The following PEBP4 variants were observed in gnomAD, a reference collection of about 807,000 sequenced individuals.
PEBP4 encodes phosphatidylethanolamine binding protein 4.
Under a neutral mutation model 23.9 loss-of-function variants are expected in PEBP4, and 22 were observed. The observed-to-expected ratio is 0.92, with a 90% CI of 0.66 to 1.31. PEBP4 has a LOEUF of 1.31. Ranked by LOEUF, PEBP4 falls within the 40% of genes most tolerant of loss-of-function variation. The probability of loss-of-function intolerance (pLI) is 0.00; values close to 1 mark genes in which losing one functional copy is unlikely to be tolerated. For synonymous variants in PEBP4, 112 were observed against 99.3 expected (o/e 1.13, Z -0.76); for missense variants, 324 against 281.7 (o/e 1.15, Z -1.07).
chr8:22,724,776 T>C, intron 6 of PEBP4, 67 bp downstream of exon 6: 4 of 1,259,508 alleles, frequency 3.2e-6, no homozygotes, highest in South Asian at 2.5e-5. Context: ...TCCCCGTAAA[T>C]GCCTGAAGCG....
chr8:22,854,051 T>G (rs1807595167), intron 3 of PEBP4, among the ~76,000 whole-genome samples: 1 of 152,216 alleles, frequency 6.6e-6, no homozygotes, highest in Non-Finnish European at 1.5e-5. Context: ...AATCAGTGCC[T>G]GCAATGCTGC....
chr8:22,884,243 T>C (rs1488451472), intron 3 of PEBP4: 1 of 152,180 alleles, frequency 6.6e-6, no homozygotes, highest in Non-Finnish European at 1.5e-5. Context: ...TTCTACCACC[T>C]AGTTAGAAGC....
intron 4 of PEBP4, among the ~76,000 whole-genome samples, chr8:22,779,327 A>G (rs748655367): frequency 6.6e-6 from 1 of 152,146 alleles, no homozygotes; most frequent in African/African-American, 2.4e-5. Context: ...TATTGGCCTC[A>G]ATTTACAAAG....
intron 3 of PEBP4, among the ~76,000 whole-genome samples, chr8:22,881,841 C>CT (rs1808265075): frequency 6.6e-6 from 1 of 152,230 alleles, no homozygotes; most frequent in South Asian, 2.1e-4. Context: ...CAGGTGGGGA[C>CT]TATTGACTTA....
At chr8:22,915,469 C>G (rs1809053665) in intron 3 of PEBP4, among the ~76,000 whole-genome samples, 1 of 152,014 alleles carries the variant, frequency 6.6e-6, no homozygotes, top group South Asian at 2.1e-4. Context: ...TCCCGGCTCA[C>G]TGACACCCTG....
rs190898976 is a variant in PEBP4, at chr8:22,733,633, G to T, written c.358-6413C>A. On this transcript the variant is annotated intron_variant, in intron 4 of 6. Coordinates refer to ENST00000256404, the MANE Select transcript of PEBP4 (RefSeq NM_144962.3). ...GGTGCCTCAGAGCAAAGGGTCAGTC[G>T]CACATATCCTTGAGTGAGGGAGAGG... Among the ~76,000 whole-genome samples, 844 of 152,244 alleles carry T rather than the reference G, an allele frequency of 5.5e-3. 6 individuals carry two copies. Among genetic ancestry groups the T allele is most frequent in the African/African-American group, 0.019 (787 of 41,524 alleles).
chr8:22,764,471 A>G (rs969288460), intron 4 of PEBP4, among the ~76,000 whole-genome samples: 1 of 152,154 alleles, frequency 6.6e-6, no homozygotes, highest in Non-Finnish European at 1.5e-5. Flanking sequence ...TATGCCAGCC[A>G]AAACCCAGGG....
chr8:22,822,049 T>C (rs1246009020), intron 3 of PEBP4, among the ~76,000 whole-genome samples: 2 of 149,870 alleles, frequency 1.3e-5, no homozygotes, highest in African/African-American at 4.9e-5. Flanking sequence ...GTTACTGTCA[T>C]AGATGCCAAG....
At chr8:22,917,985 G>A (rs141325493) in intron 3 of PEBP4, among the ~76,000 whole-genome samples, 5 of 152,282 alleles carry the variant, frequency 3.3e-5, no homozygotes, top group East Asian at 3.9e-4. Context: ...ATCCAGCCTC[G>A]CCTGAAGTTA....
chr8:22,781,291 G>A (rs1025992791), intron 4 of PEBP4, among the ~76,000 whole-genome samples: 4 of 152,130 alleles, frequency 2.6e-5, no homozygotes, highest in East Asian at 1.9e-4. Context: ...AGGGAGTTCC[G>A]GGAGAGCCGG....
chr8:22,808,357 A>G (rs1806547219), intron 4 of PEBP4, among the ~76,000 whole-genome samples: 1 of 152,094 alleles, frequency 6.6e-6, no homozygotes, highest in Non-Finnish European at 1.5e-5. Context: ...CCATTCACCC[A>G]TCTCTTCCTC....
rs1806753060 is a variant in PEBP4 at position 22,816,907 on chromosome 8, CA to C, written c.357+729del. On this transcript the variant is annotated intron_variant, in intron 4 of 6. Coordinates refer to ENST00000256404, the MANE Select transcript of PEBP4 (RefSeq NM_144962.3). ...GAAAATCAGTGTATATGATATAGAGCATACTAGACTAGTAAAAGCTCCAAAA... is the reference window on the plus strand; with the variant it reads ...GAAAATCAGTGTATATGATATAGAGCTACTAGACTAGTAAAAGCTCCAAAA... 3.3e-5 allele frequency among the ~76,000 whole-genome samples: 5 copies of C among 152,300 alleles called. No individual in the cohort carries two copies. The South Asian group carries it at 1.0e-3, about 32-fold the overall frequency.
At chr8:22,874,103 G>A (rs1215818604) in intron 3 of PEBP4, among the ~76,000 whole-genome samples, 1 of 152,152 alleles carries the variant, frequency 6.6e-6, no homozygotes, top group Non-Finnish European at 1.5e-5. Flanking sequence ...GGGGCCTTGG[G>A]GAAAGTGTGG....
chr8:22,817,725 T>G lies in PEBP4; in HGVS notation c.269A>C (p.Tyr90Ser). 6.2e-7 allele frequency: 1 copy of G among 1,614,124 alleles called. No homozygotes were observed. Among genetic ancestry groups the G allele is most frequent in the Non-Finnish European group, 8.5e-7 (1 of 1,179,996 alleles). The change falls in exon 4 of 7, where the codon TAT becomes TCT. Residue 90 changes from tyrosine to serine, a missense_variant. Physicochemically the swap from Tyr to Ser is moderately radical, Grantham distance 144. Coordinates refer to ENST00000256404, the MANE Select transcript of PEBP4 (RefSeq NM_144962.3). ...KFPGAVDGAT[Y>S]ILVMVDPDAP... ...ATCTGGATCCACCATCACCAGGATA[T>G]AGGTTGCGCCCTGTAACACATGTAC...
intron 4 of PEBP4, among the ~76,000 whole-genome samples, chr8:22,802,962 C>G (rs1806419064): frequency 6.6e-6 from 1 of 152,162 alleles, no homozygotes; most frequent in Non-Finnish European, 1.5e-5. Context: ...GCGTCACCAG[C>G]TAGCAAGCGG....
intron 3 of PEBP4, among the ~76,000 whole-genome samples, chr8:22,899,987 A>G (rs1808679422): frequency 6.6e-6 from 1 of 152,158 alleles, no homozygotes; most frequent in African/African-American, 2.4e-5. Flanking sequence ...AACAAGAAGG[A>G]GACCTGGCTT....
chr8:22,715,500 G>C (rs572337852), intron 6 of PEBP4, among the ~76,000 whole-genome samples: 2 of 152,180 alleles, frequency 1.3e-5, no homozygotes, highest in Non-Finnish European at 2.9e-5. Context: ...GGACGAGGGG[G>C]CCTTCCCCAC....
At chr8:22,888,645 CTA>C (rs1185752508) in intron 3 of PEBP4, among the ~76,000 whole-genome samples, 2 of 152,244 alleles carry the variant, frequency 1.3e-5, no homozygotes, top group Non-Finnish European at 2.9e-5. Flanking sequence ...TCACACATCA[CTA>C]TGACATCATC....
intron 5 of PEBP4, among the ~76,000 whole-genome samples, chr8:22,726,397 G>C (rs7843889): frequency 0.034 from 5,201 of 152,298 alleles, 302 homozygotes; most frequent in African/African-American, 0.12. Flanking sequence ...AGTTCTGTGC[G>C]GACAAGTCTG....
Sources: gnomAD v4.1 joint callset for allele counts (sites outside exome capture counted in the v4.1 genomes callset) on GRCh38, gnomAD v4.1.1 for gene constraint, MANE v1.5 for transcripts, NCBI Gene and HGNC (gene_info 2026-07-23, HGNC 2026-07-21) for gene names.